Variants in LIMCH1 observed in about 807,000 individuals in gnomAD.
The protein encoded by LIMCH1 is LIM and calponin homology domains 1.
In LIMCH1, 113 loss-of-function variants were observed where a neutral mutation model predicts 176.5. The ratio of observed to expected loss-of-function variants is 0.64; its 90% confidence interval spans 0.55 to 0.75. The LOEUF (loss-of-function observed/expected upper bound fraction) is 0.75. LIMCH1 is among the 30% of genes least tolerant of loss of function. The probability of loss-of-function intolerance (pLI) is 0.00; values close to 1 mark genes in which losing one functional copy is unlikely to be tolerated. For synonymous variants in LIMCH1, 619 were observed against 645.9 expected (o/e 0.96, Z 0.63); for missense variants, 1,674 against 1,814.9 (o/e 0.92, Z 1.41).
At chr4:41,429,349 T>A (rs1208940433) in intron 1 of LIMCH1, among the ~76,000 whole-genome samples, 1 of 152,146 alleles carries the variant, frequency 6.6e-6, no homozygotes, top group Non-Finnish European at 1.5e-5. Context: ...TTCACTTGCG[T>A]TTAGCCATAG....
At position 41,697,295 on chromosome 4, in the gene LIMCH1, C is replaced by G; in HGVS notation, c.*110C>G. 1.1e-6 allele frequency: 1 copy of G among 909,196 alleles called. No homozygotes were observed. Among genetic ancestry groups the G allele is most frequent in the East Asian group, 2.4e-5 (1 of 40,892 alleles). 56.3% of individuals were successfully genotyped at this position (909,196 alleles called of 1,614,324 possible). On this transcript the variant is annotated 3_prime_UTR_variant, in exon 32 of 32. Transcript: ENST00000503057. ...GGGCTTCTCAGCATTTACCTAATTT[C>G]TGAAAGGCTCTTCTGAAAGGTGGTA...
chr4:41,642,737 C>CTTTTTTTTTT (rs368906535), intron 14 of LIMCH1, among the ~76,000 whole-genome samples: 4 of 136,410 alleles, frequency 2.9e-5, no homozygotes, highest in African/African-American at 8.2e-5. Flanking sequence ...TTTCTTTTTT[C>CTTTTTTTTTT]TTTTTTTTTT....
intron 2 of LIMCH1, among the ~76,000 whole-genome samples, chr4:41,510,634 G>T (rs1363420176): frequency 6.6e-6 from 1 of 152,056 alleles, no homozygotes; most frequent in Non-Finnish European, 1.5e-5. Context: ...TGTCGCCTAG[G>T]CTGGAGTGCA....
At chr4:41,378,351 G>A (rs576687582) in intron 1 of LIMCH1, among the ~76,000 whole-genome samples, 1 of 152,306 alleles carries the variant, frequency 6.6e-6, no homozygotes, top group Admixed American at 6.5e-5. Flanking sequence ...AAGTTATTTG[G>A]CCTCTCTGTG....
intron 25 of LIMCH1, among the ~76,000 whole-genome samples, chr4:41,681,954 C>A (rs16853459): frequency 0.085 from 12,898 of 152,184 alleles, 1,208 homozygotes; most frequent in African/African-American, 0.22. Flanking sequence ...CTCCACATTC[C>A]CCAAATAAGG....
At chr4:41,605,204 T>C (rs1228259067) in intron 3 of LIMCH1, among the ~76,000 whole-genome samples, 1 of 152,200 alleles carries the variant, frequency 6.6e-6, no homozygotes, top group African/African-American at 2.4e-5. Flanking sequence ...TGAATACTCA[T>C]AGACATTCTT....
chr4:41,492,202 A>G (rs2071192634), intron 1 of LIMCH1, among the ~76,000 whole-genome samples: 1 of 152,154 alleles, frequency 6.6e-6, no homozygotes, highest in African/African-American at 2.4e-5. Flanking sequence ...GGAGCTGGAG[A>G]CCAGTCCGGT....
At chr4:41,585,185 C>T (rs1466083209) in intron 1 of LIMCH1, among the ~76,000 whole-genome samples, 2 of 152,162 alleles carry the variant, frequency 1.3e-5, no homozygotes, top group African/African-American at 4.8e-5. Flanking sequence ...ACTTATTAAA[C>T]AACAACTACC....
intron 4 of LIMCH1, among the ~76,000 whole-genome samples, chr4:41,611,893 C>T (rs951471098): frequency 1.3e-5 from 2 of 152,170 alleles, no homozygotes; most frequent in Non-Finnish European, 2.9e-5. Flanking sequence ...TTCAGTGAGT[C>T]ATGAGTTCTT....
chr4:41,540,452 A>G (rs1247103615), intron 1 of LIMCH1, among the ~76,000 whole-genome samples: 2 of 152,196 alleles, frequency 1.3e-5, no homozygotes, highest in South Asian at 2.1e-4. Context: ...TAAAAGAATA[A>G]AACGGGCCAG....
chr4:41,627,019 GGT>G lies in LIMCH1; in HGVS notation c.1028+42_1028+43del, dbSNP rs34266308. On this transcript the variant is annotated intron_variant, in intron 8 of 31. Transcript: ENST00000503057. Reference sequence around the variant, plus strand: ...AGTCTAGAATATAAAAGGTGTGCATGGTGTGTGTGTGTGTGTGTGTGTGTGTG... The same window carrying G: ...AGTCTAGAATATAAAAGGTGTGCATGGTGTGTGTGTGTGTGTGTGTGTGTG... 64,000 of 1,379,740 alleles carry G rather than the reference GGT, an allele frequency of 0.046. 1,199 individuals are homozygous for G. Among genetic ancestry groups the G allele is most frequent in the African/African-American group, 0.28 (16,368 of 59,102 alleles). The allele number at this position is 1,379,740 out of a possible 1,614,324, so 85.5% of individuals were successfully genotyped here. A position where few individuals can be genotyped will look rare whatever the true frequency, so the allele number is the denominator to read the frequency against.
At chr4:41,451,450 C>T (rs543569468) in intron 1 of LIMCH1, among the ~76,000 whole-genome samples, 1 of 152,188 alleles carries the variant, frequency 6.6e-6, no homozygotes, top group African/African-American at 2.4e-5. Context: ...TTTTAAAACA[C>T]TTTTATTTTT....
chr4:41,656,907 T>C (rs893963245), intron 18 of LIMCH1, among the ~76,000 whole-genome samples: 1 of 151,882 alleles, frequency 6.6e-6, no homozygotes, highest in Non-Finnish European at 1.5e-5. Flanking sequence ...CTCAGGAGGG[T>C]GCTTGCCCTC....
At chr4:41,585,484 G>A (rs2086280808) in intron 1 of LIMCH1, among the ~76,000 whole-genome samples, 1 of 152,004 alleles carries the variant, frequency 6.6e-6, no homozygotes, top group Non-Finnish European at 1.5e-5. Context: ...CCACATTTTG[G>A]CCATTATAAA....
At chr4:41,586,806 T>C (rs1279168003) in intron 1 of LIMCH1, among the ~76,000 whole-genome samples, 1 of 152,092 alleles carries the variant, frequency 6.6e-6, no homozygotes, top group Non-Finnish European at 1.5e-5. Flanking sequence ...GAATGTCAAG[T>C]CCTTGAGAGG....
At chr4:41,697,073 C>A in intron 31 of LIMCH1, 87 bp from the exon 32 acceptor site, 1 of 1,350,108 alleles carries the variant, frequency 7.4e-7, no homozygotes, top group Non-Finnish European at 1.1e-6. Context: ...TTGGTAAAGG[C>A]AGTTGCTCAT....
At chr4:41,543,895 C>T (rs1583786977) in intron 1 of LIMCH1, among the ~76,000 whole-genome samples, 1 of 151,962 alleles carries the variant, frequency 6.6e-6, no homozygotes, top group Non-Finnish European at 1.5e-5. Flanking sequence ...CTAGTTGTTT[C>T]TTTAAAATGG....
At chr4:41,517,363 G>A (rs1403745532) in intron 2 of LIMCH1, among the ~76,000 whole-genome samples, 1 of 152,134 alleles carries the variant, frequency 6.6e-6, no homozygotes, top group African/African-American at 2.4e-5. Flanking sequence ...AGATAAGAAT[G>A]GTAAGCAGTC....
chr4:41,679,938 AG>A (rs1714283346), intron 23 of LIMCH1, 67 bp from the exon 24 acceptor site: 1 of 987,088 alleles, frequency 1.0e-6, no homozygotes, highest in Non-Finnish European at 1.6e-6. Flanking sequence ...ATGGTGGTTT[AG>A]GGGGGAAAAT....
Sources: gnomAD v4.1 joint callset for allele counts (sites outside exome capture counted in the v4.1 genomes callset) on GRCh38, gnomAD v4.1.1 for gene constraint, MANE v1.5 for transcripts, NCBI Gene and HGNC (gene_info 2026-07-23, HGNC 2026-07-21) for gene names.